Variants in C8orf34 observed in about 807,000 individuals in gnomAD.
C8orf34 encodes the protein uncharacterized protein C8orf34.
A neutral mutation model predicts 68.3 loss-of-function variants in C8orf34; 65 were observed. The ratio of observed to expected loss-of-function variants is 0.95; its 90% CI spans 0.78 to 1.17. C8orf34 has a LOEUF of 1.17. Ranked by LOEUF, C8orf34 falls within the 50% of genes most tolerant of loss-of-function variation. C8orf34 has a pLI of 0.00. For missense variants in C8orf34, 664 were observed against 655.4 expected (o/e 1.01, Z -0.14); for synonymous variants, 244 against 241.2 (o/e 1.01, Z -0.11).
intron 6 of C8orf34, chr8:68,525,643 C>T (rs546014614): frequency 8.3e-6 from 6 of 719,196 alleles, no homozygotes; most frequent in East Asian, 2.6e-5. Flanking sequence ...GATTATGCTG[C>T]CATTTTTCTA....
Position 68,380,010 on chromosome 8 carries a change from A to AC in C8orf34, c.327+48677dup, listed in dbSNP as rs199782555. Among the ~76,000 whole-genome samples the AC allele has an allele frequency of 8.5e-3, 1,296 of 151,908 alleles. 16 individuals carry two copies. Among genetic ancestry groups the AC allele is most frequent in the African/African-American group, 0.029 (1,218 of 41,412 alleles). ...TGGGACTACAGGAGTGCATCACTACACCCCCCTTCTAATTTTATTTTTTAA... is the reference window on the plus strand; with the variant it reads ...TGGGACTACAGGAGTGCATCACTACACCCCCCCTTCTAATTTTATTTTTTAA... On this transcript the variant is annotated intron_variant, in intron 1 of 13. Transcript: ENST00000518698.
At chr8:68,472,459 G>A (rs558068472) in intron 4 of C8orf34, among the ~76,000 whole-genome samples, 9 of 152,158 alleles carry the variant, frequency 5.9e-5, no homozygotes, top group African/African-American at 2.2e-4. Context: ...TTTACTCAAA[G>A]TCTCCTGGTT....
rs552993652 is a variant in C8orf34 at position 68,786,859 on chromosome 8, T to C, written c.1456-584T>C. The stretch of plus-strand genomic sequence containing the variant: ...GAATTAGACAGGATATGATACATGA[T>C]CCTGGAAAACTTCCCAGATGGCTAT... On this transcript the variant is annotated intron_variant, in intron 11 of 13. Transcript: ENST00000518698. Among the ~76,000 whole-genome samples the C allele has an allele frequency of 9.1e-4, 139 of 152,314 alleles. 1 individual carries two copies. The highest frequency in any genetic ancestry group is 3.2e-3 in the African/African-American group (135 of 41,576).
chr8:68,623,156 C>T (rs1293855559), intron 7 of C8orf34, among the ~76,000 whole-genome samples: 3 of 152,170 alleles, frequency 2.0e-5, no homozygotes, highest in Non-Finnish European at 2.9e-5. Context: ...ATTGCTTAGC[C>T]GAACCTGGCC....
intron 11 of C8orf34, among the ~76,000 whole-genome samples, chr8:68,777,353 C>T (rs1234925372): frequency 6.6e-6 from 1 of 152,200 alleles, no homozygotes; most frequent in African/African-American, 2.4e-5. Flanking sequence ...GATGATAGAA[C>T]TTAAGAATAA....
intron 1 of C8orf34, among the ~76,000 whole-genome samples, chr8:68,397,493 CTA>C (rs1288860959): frequency 9.2e-5 from 14 of 152,084 alleles, no homozygotes; most frequent in Non-Finnish European, 1.6e-4. Context: ...GGAGAGAAAT[CTA>C]TATGAGTATA....
At chr8:68,421,767 A>C (rs1195825070) in intron 1 of C8orf34, among the ~76,000 whole-genome samples, 2 of 152,176 alleles carry the variant, frequency 1.3e-5, no homozygotes, top group Non-Finnish European at 2.9e-5. Flanking sequence ...CTGTTCTCAT[A>C]CTGCTATGAA....
At chr8:68,674,449 GA>G (rs1200612913) in intron 8 of C8orf34, among the ~76,000 whole-genome samples, 1 of 152,086 alleles carries the variant, frequency 6.6e-6, no homozygotes, top group Non-Finnish European at 1.5e-5. Flanking sequence ...ATTTAACAAA[GA>G]GATTGAAATA....
At chr8:68,335,111 T>C (rs1295018545) in intron 1 of C8orf34, among the ~76,000 whole-genome samples, 1 of 152,180 alleles carries the variant, frequency 6.6e-6, no homozygotes, top group African/African-American at 2.4e-5. Flanking sequence ...GTGGGCTACC[T>C]GTTATTTAAT....
intron 1 of C8orf34, among the ~76,000 whole-genome samples, chr8:68,434,786 C>A (rs1278694057): frequency 1.3e-5 from 2 of 152,100 alleles, no homozygotes; most frequent in Non-Finnish European, 2.9e-5. Flanking sequence ...GTGGCTCATG[C>A]CTGTAATCCC....
At chr8:68,726,867 C>T (rs1159172390) in intron 10 of C8orf34, among the ~76,000 whole-genome samples, 1 of 152,132 alleles carries the variant, frequency 6.6e-6, no homozygotes, top group Non-Finnish European at 1.5e-5. Flanking sequence ...GGGTCCCTCC[C>T]ACAACACACG....
rs902278868 is a variant in C8orf34 at position 68,394,954 on chromosome 8, G to A, written c.328-44545G>A. Among the ~76,000 whole-genome samples, 6 of 152,104 alleles carry A rather than the reference G, an allele frequency of 3.9e-5. No homozygotes were observed. In the South Asian group the frequency reaches 8.3e-4, roughly 21 times the overall value. The stretch of plus-strand genomic sequence containing the variant: ...AGAGTGCTAGTGATGAGAGGATACT[G>A]TTCAATGTTTGCAGTTTAAATTCTA... On this transcript the variant is annotated intron_variant, in intron 1 of 13. Transcript: ENST00000518698.
intron 7 of C8orf34, among the ~76,000 whole-genome samples, chr8:68,604,265 C>T (rs1817787936): frequency 6.6e-6 from 1 of 150,640 alleles, no homozygotes; most frequent in Admixed American, 6.6e-5. Context: ...AAGCTTTAGA[C>T]ATGAATGGGC....
At position 68,338,788 on chromosome 8, in the gene C8orf34, T is replaced by C. The variant is rs79029331; in HGVS notation, c.327+7449T>C. ...TATGTTAAATTTTTAAATAAACTAG[T>C]TATTAAAGTGGATGTACAATTCTAC... On this transcript the variant is annotated intron_variant, in intron 1 of 13. Transcript: ENST00000518698. 7.9e-3 allele frequency among the ~76,000 whole-genome samples: 1,197 copies of C among 152,218 alleles called. 19 individuals carry two copies. The highest frequency in any genetic ancestry group is 0.027 in the African/African-American group (1,101 of 41,546).
At chr8:68,456,148 C>T (rs546943417) in intron 3 of C8orf34, among the ~76,000 whole-genome samples, 14 of 150,540 alleles carry the variant, frequency 9.3e-5, no homozygotes, top group East Asian at 3.9e-4. Flanking sequence ...CCCACCTACT[C>T]GGGAGGCTGA....
intron 10 of C8orf34, among the ~76,000 whole-genome samples, chr8:68,759,397 T>C (rs1473322443): frequency 6.6e-6 from 1 of 152,178 alleles, no homozygotes; most frequent in African/African-American, 2.4e-5. Flanking sequence ...GATCAGAAAT[T>C]AGCAAAATGC....
At chr8:68,598,343 T>C (rs1817604819) in intron 7 of C8orf34, among the ~76,000 whole-genome samples, 1 of 152,144 alleles carries the variant, frequency 6.6e-6, no homozygotes, top group Non-Finnish European at 1.5e-5. Flanking sequence ...GACATAACAT[T>C]TGAGACTACT....
chr8:68,801,585 A>G (rs1358092954), intron 12 of C8orf34, among the ~76,000 whole-genome samples: 3 of 152,220 alleles, frequency 2.0e-5, no homozygotes, highest in African/African-American at 7.2e-5. Context: ...GTCATACTGC[A>G]TTTAAAAAAT....
intron 7 of C8orf34, among the ~76,000 whole-genome samples, chr8:68,604,281 A>G (rs992678269): frequency 1.3e-5 from 2 of 151,280 alleles, no homozygotes; most frequent in Non-Finnish European, 2.9e-5. Flanking sequence ...TGGGCTGTCT[A>G]TGTACCATTC....
Sources: gnomAD v4.1 joint callset for allele counts (sites outside exome capture counted in the v4.1 genomes callset) on GRCh38, gnomAD v4.1.1 for gene constraint, MANE v1.5 for transcripts, NCBI Gene and HGNC (gene_info 2026-07-23, HGNC 2026-07-21) for gene names.